Variants in PTPRT observed in about 807,000 individuals in gnomAD.
The protein encoded by PTPRT is receptor-type tyrosine-protein phosphatase T.
In PTPRT, 56 loss-of-function variants were observed where a neutral mutation model predicts 176.8. The observed-to-expected ratio is 0.32, with a 90% CI of 0.26 to 0.40. PTPRT has a LOEUF of 0.40. PTPRT is among the 10% of genes least tolerant of loss of function. PTPRT has a pLI of 1.00. For synonymous variants in PTPRT, 783 were observed against 739.0 expected, an observed-to-expected ratio of 1.06 and a Z score of -0.96; for missense variants, 1,540 against 1,908.2, an observed-to-expected ratio of 0.81 and a Z score of 3.60.
At chr20:42,762,751 A>C (rs1455623965) in intron 5 of PTPRT, among the ~76,000 whole-genome samples, 2 of 152,238 alleles carry the variant, frequency 1.3e-5, no homozygotes, top group Non-Finnish European at 2.9e-5. Flanking sequence ...TCATCCGTAC[A>C]GGAGGGATAC....
At chr20:42,266,063 C>T (rs2056833989) in intron 13 of PTPRT, among the ~76,000 whole-genome samples, 1 of 152,164 alleles carries the variant, frequency 6.6e-6, no homozygotes, top group African/African-American at 2.4e-5. Flanking sequence ...CTTCTCAAAC[C>T]TGGAGCTGGG....
intron 13 of PTPRT, chr20:42,270,363 T>TCCCCCCC: frequency 4.5e-6 from 6 of 1,332,680 alleles, no homozygotes; most frequent in Non-Finnish European, 6.3e-6. Context: ...TGGGCAACTC[T>TCCCCCCC]CCCCTCCCAC....
chr20:42,313,386 G>C (rs549956567), intron 12 of PTPRT, among the ~76,000 whole-genome samples: 1 of 151,824 alleles, frequency 6.6e-6, no homozygotes, highest in Non-Finnish European at 1.5e-5. Context: ...TTTCTCACAC[G>C]AGATCCAAGA....
chr20:43,128,257 G>A (rs2013517992), intron 1 of PTPRT, among the ~76,000 whole-genome samples: 1 of 152,112 alleles, frequency 6.6e-6, no homozygotes, highest in African/African-American at 2.4e-5. Flanking sequence ...AACACTTACG[G>A]ACATAAAAAA....
intron 7 of PTPRT, among the ~76,000 whole-genome samples, chr20:42,647,858 T>C (rs2074941813): frequency 6.6e-6 from 1 of 152,206 alleles, no homozygotes; most frequent in Admixed American, 6.5e-5. Flanking sequence ...TCTTTTATCA[T>C]AAGATGCTGC....
chr20:42,350,844 G>A (rs921855759), intron 10 of PTPRT, 114 bp from the exon 11 acceptor site: 1 of 781,730 alleles, frequency 1.3e-6, no homozygotes, highest in Admixed American at 2.1e-5. Context: ...GGACGTTTAG[G>A]AAAGGGGTTG....
chr20:43,011,796 C>A (rs909145904), intron 1 of PTPRT, among the ~76,000 whole-genome samples: 2 of 152,206 alleles, frequency 1.3e-5, no homozygotes, highest in Non-Finnish European at 2.9e-5. Flanking sequence ...CTGGGAGAGG[C>A]AAACCTACCC....
intron 1 of PTPRT, among the ~76,000 whole-genome samples, chr20:43,083,321 T>TGTATATATATATATATATATATATATAC (rs1491174501): frequency 7.9e-4 from 9 of 11,426 alleles, no homozygotes; most frequent in African/African-American, 3.3e-3. Flanking sequence ...ACTTCAAATG[T>TGTATATATATATATATATATATATATAC]ATATATATAT....
chr20:42,678,144 A>G lies in PTPRT; in HGVS notation c.875T>C (p.Ile292Thr), dbSNP rs2075540627. 6.2e-7 allele frequency: 1 copy of G among 1,613,686 alleles called. No homozygotes were observed. Among genetic ancestry groups the G allele is most frequent in the Non-Finnish European group, 8.5e-7 (1 of 1,179,744 alleles). The change falls in exon 7 of 31, where the codon ATT becomes ACT. Residue 292 changes from isoleucine (I) to threonine (T), a missense_variant. Physicochemically the swap from Ile to Thr is moderately conservative, Grantham distance 89 (BLOSUM62 -1). Coordinates refer to ENST00000373187, the MANE Select transcript of PTPRT (RefSeq NM_007050.6). ...CACAGCCAGCAGCTCTGGGGGAGCA[A>G]TGGGCGTGGGAGGCTCTGTAAGACA... ...ELIVKEPPTP[I>T]APPELLAVGA... is the part of the protein sequence containing the mutation.
At chr20:42,228,899 A>C (rs974966105) in intron 15 of PTPRT, among the ~76,000 whole-genome samples, 1 of 152,204 alleles carries the variant, frequency 6.6e-6, no homozygotes, top group Non-Finnish European at 1.5e-5. Flanking sequence ...GGGATCATGA[A>C]TTAGTAAGTC....
chr20:42,308,583 T>C (rs963697567), intron 12 of PTPRT, among the ~76,000 whole-genome samples: 1 of 152,206 alleles, frequency 6.6e-6, no homozygotes, highest in South Asian at 2.1e-4. Context: ...AGTCCAACTG[T>C]AATGCGATAA....
At chr20:42,891,006 T>C (rs2079183032) in intron 1 of PTPRT, among the ~76,000 whole-genome samples, 1 of 152,220 alleles carries the variant, frequency 6.6e-6, no homozygotes, top group Non-Finnish European at 1.5e-5. Flanking sequence ...AGATGTGCCT[T>C]TCACCTTCCA....
intron 7 of PTPRT, among the ~76,000 whole-genome samples, chr20:42,531,269 G>C (rs1353803160): frequency 6.6e-6 from 1 of 152,144 alleles, no homozygotes; most frequent in Non-Finnish European, 1.5e-5. Context: ...CTATTCAGAA[G>C]AACAGAGTAA....
intron 9 of PTPRT, among the ~76,000 whole-genome samples, chr20:42,366,497 G>GT (rs1172947830): frequency 3.3e-5 from 5 of 152,298 alleles, no homozygotes; most frequent in Non-Finnish European, 7.3e-5. Context: ...CTCCCAAGAA[G>GT]CTCTACCTTG....
chr20:43,168,457 T>C (rs1030675064), intron 1 of PTPRT, among the ~76,000 whole-genome samples: 4 of 152,174 alleles, frequency 2.6e-5, no homozygotes, highest in Non-Finnish European at 4.4e-5. Context: ...GGGTATCCTC[T>C]GGTTGGGAAT....
At chr20:42,642,086 A>G (rs1365602473) in intron 7 of PTPRT, among the ~76,000 whole-genome samples, 1 of 152,122 alleles carries the variant, frequency 6.6e-6, no homozygotes, top group Non-Finnish European at 1.5e-5. Flanking sequence ...TCCAGATAAT[A>G]TTGAATATGT....
intron 1 of PTPRT, among the ~76,000 whole-genome samples, chr20:43,049,098 C>T (rs6072956): frequency 6.6e-6 from 1 of 152,156 alleles, no homozygotes; most frequent in Non-Finnish European, 1.5e-5. Context: ...TCCATCTCTC[C>T]TTCAATCCCA....
intron 7 of PTPRT, among the ~76,000 whole-genome samples, chr20:42,643,082 A>G (rs2074799411): frequency 6.6e-6 from 1 of 152,206 alleles, no homozygotes; most frequent in South Asian, 2.1e-4. Flanking sequence ...ACCTGAGACC[A>G]TCTAGTTCCA....
chr20:43,063,435 T>C (rs1987551629), intron 1 of PTPRT: 1 of 152,630 alleles, frequency 6.6e-6, no homozygotes, highest in African/African-American at 2.4e-5. Context: ...CACCACTCCA[T>C]GTGATGTGCG....
Sources: gnomAD v4.1 joint callset for allele counts (sites outside exome capture counted in the v4.1 genomes callset) on GRCh38, gnomAD v4.1.1 for gene constraint, MANE v1.5 for transcripts, NCBI Gene and HGNC (gene_info 2026-07-23, HGNC 2026-07-21) for gene names.